RFTN1: variants seen among roughly 807,000 people sequenced by gnomAD.
RFTN1 encodes raftlin.
In RFTN1, 26 loss-of-function variants were observed where a neutral mutation model predicts 46.5. The ratio of observed to expected loss-of-function variants is 0.56; its 90% confidence interval spans 0.41 to 0.78. The LOEUF is 0.78. Ranked by LOEUF, RFTN1 falls within the 30% of genes least tolerant of loss-of-function variation. The pLI is 0.00. For synonymous variants in RFTN1, 261 were observed against 284.2 expected (o/e 0.92, Z 0.82); for missense variants, 693 against 718.7 (o/e 0.96, Z 0.41).
intron 1 of RFTN1, among the ~76,000 whole-genome samples, chr3:16,497,485 C>T (rs947244121): frequency 2.0e-5 from 3 of 152,302 alleles, no homozygotes; most frequent in Non-Finnish European, 2.9e-5. Context: ...TAATGGGTAG[C>T]GGCAGGTTCT....
intron 4 of RFTN1, among the ~76,000 whole-genome samples, chr3:16,408,349 T>G (rs1285965211): frequency 1.3e-5 from 2 of 152,174 alleles, no homozygotes; most frequent in Non-Finnish European, 2.9e-5. Flanking sequence ...ATTCTCTGTA[T>G]CCCAGCATCT....
In RFTN1 at chr3:16,442,058, T is replaced by C. The variant is rs1444746972; in HGVS notation, c.146-8021A>G. Among the ~76,000 whole-genome samples the C allele has an allele frequency of 1.3e-5, 2 of 152,216 alleles. No homozygotes were observed. The highest frequency in any genetic ancestry group is 2.9e-5 in the Non-Finnish European group (2 of 68,030). Reference sequence around the variant, plus strand: ...AATCTGTGGAATAAGTTAAAATGTTTGTTCTAAGGGCTTTAAAAATTTAGA... The same window carrying C: ...AATCTGTGGAATAAGTTAAAATGTTCGTTCTAAGGGCTTTAAAAATTTAGA... On this transcript the variant is annotated intron_variant, in intron 2 of 9. Coordinates refer to ENST00000334133, the MANE Select transcript of RFTN1 (RefSeq NM_015150.2). This position sits in a 1 kb window ranked among gnomAD's most constrained non-coding sequence, Gnocchi z 4.1.
At chr3:16,491,109 T>C (rs951817725) in intron 2 of RFTN1, among the ~76,000 whole-genome samples, 4 of 151,616 alleles carry the variant, frequency 2.6e-5, no homozygotes, top group African/African-American at 9.7e-5. Flanking sequence ...TGGTAAGAAG[T>C]GCTATGGAGA....
chr3:16,470,145 C>G (rs1217610970), intron 2 of RFTN1, among the ~76,000 whole-genome samples: 1 of 152,130 alleles, frequency 6.6e-6, no homozygotes, highest in Non-Finnish European at 1.5e-5. Flanking sequence ...GGATATTTGT[C>G]CTTCCTGCTC....
rs35520854 is a variant in RFTN1, at chr3:16,407,359, C to CT, written c.441+2015dup. On this transcript the variant is annotated intron_variant, in intron 4 of 9. Transcript: ENST00000334133. The surrounding 1 kb of genome is among the most constrained non-coding windows in gnomAD (Gnocchi z 4.0). The stretch of plus-strand genomic sequence containing the variant: ...CACCATGCTCGGCTTTTTAAAGAGA[C>CT]TTTTTTTTTTTTGGCAGAGATGGAG... 0.094 allele frequency among the ~76,000 whole-genome samples: 13,643 copies of CT among 145,108 alleles called. 613 individuals are homozygous for CT. Among genetic ancestry groups the CT allele is most frequent in the Middle Eastern group, 0.14 (40 of 280 alleles).
In RFTN1 at chr3:16,345,805, T is replaced by TGG. The variant is rs2071630137; in HGVS notation, c.1146+12126_1146+12127insCC. Among the ~76,000 whole-genome samples the TGG allele has an allele frequency of 1.2e-5, 1 of 85,842 alleles. No homozygotes were observed. Among genetic ancestry groups the TGG allele is most frequent in the Non-Finnish European group, 2.2e-5 (1 of 44,654 alleles). The allele number at this position is 85,842 out of a possible 152,430, so 56.3% of individuals were successfully genotyped here. A position where few individuals can be genotyped will look rare whatever the true frequency, so the allele number is the denominator to read the frequency against. ...ATAAATCTCTGTGTGTGTGTGTGTG[T>TGG]GTGTGTGTGTGTGCGCGCGCGCGTG... On this transcript the variant is annotated intron_variant, in intron 7 of 9. Coordinates refer to ENST00000334133, the MANE Select transcript of RFTN1 (RefSeq NM_015150.2). The surrounding 1 kb of genome is among the most constrained non-coding windows in gnomAD (Gnocchi z 5.2).
rs189924074 is a variant in RFTN1, at chr3:16,375,203, C to T, written c.826+2515G>A. Among the ~76,000 whole-genome samples, 14 of 151,504 alleles carry T rather than the reference C, an allele frequency of 9.2e-5. No individual in the cohort carries two copies. In the East Asian group the frequency reaches 2.7e-3, roughly 29 times the overall value. On this transcript the variant is annotated intron_variant, in intron 5 of 9. Transcript: ENST00000334133. ...CTGAGCAGGCAGTGGGGAGGGGTGC[C>T]TGGGGGGGCCCGTGTGTGCCTGTGG...
Position 16,485,008 on chromosome 3 carries a change from T to C in RFTN1, c.145+8717A>G, listed in dbSNP as rs547444909. Among the ~76,000 whole-genome samples the C allele has an allele frequency of 6.6e-5, 10 of 152,372 alleles. No individual in the cohort carries two copies. The South Asian group carries it at 8.3e-4, about 13-fold the overall frequency. ...AAATGAAGCTCTCTACTCTCATACA[T>C]TGTTGTTGGAAATGTAAAATAGAAC... On this transcript the variant is annotated intron_variant, in intron 2 of 9. Transcript: ENST00000334133.
Position 16,460,587 on chromosome 3 carries a change from G to T in RFTN1, c.146-26550C>A, listed in dbSNP as rs1467344320. On this transcript the variant is annotated intron_variant, in intron 2 of 9. Coordinates refer to ENST00000334133, the MANE Select transcript of RFTN1 (RefSeq NM_015150.2). This position sits in a 1 kb window ranked among gnomAD's most constrained non-coding sequence, Gnocchi z 4.8. ...ACCTCACATTTCAAGCAGAGGCTGG[G>T]TGGGGAATATATATTTTTTTAACCT... 2.0e-5 allele frequency among the ~76,000 whole-genome samples: 3 copies of T among 151,756 alleles called. No individual in the cohort carries two copies. Among genetic ancestry groups the T allele is most frequent in the Non-Finnish European group, 4.4e-5 (3 of 67,758 alleles).
intron 3 of RFTN1, chr3:16,416,156 G>A (rs767010826): frequency 2.4e-5 from 11 of 455,366 alleles, no homozygotes; most frequent in Non-Finnish European, 4.0e-5. Context: ...CCATTCCAAA[G>A]GAATTTTCTG....
rs2074113564 is a variant in RFTN1, at chr3:16,384,849, C to A, written c.442-6747G>T. On this transcript the variant is annotated intron_variant, in intron 4 of 9. Transcript: ENST00000334133. This position sits in a 1 kb window ranked among gnomAD's most constrained non-coding sequence, Gnocchi z 4.7. ...CAGCCACTTGTGGCTAGTGATGACC[C>A]CATGGACAGTGCAGGTGTAGAACAT... 6.6e-6 allele frequency among the ~76,000 whole-genome samples: 1 copy of A among 152,134 alleles called. No individual in the cohort carries two copies. Among genetic ancestry groups the A allele is most frequent in the African/African-American group, 2.4e-5 (1 of 41,406 alleles).
chr3:16,373,825 C>T (rs747729999), intron 5 of RFTN1, among the ~76,000 whole-genome samples: 4 of 152,096 alleles, frequency 2.6e-5, no homozygotes, highest in Non-Finnish European at 5.9e-5. Flanking sequence ...AGGAACTAAG[C>T]AGAAAGGTTT....
At position 16,317,358 on chromosome 3, in the gene RFTN1, G is replaced by T; in HGVS notation, c.1333-126C>A. ...GACATACAATTCCCAGCATCCCCCA[G>T]CCAGGCAGTACAGGCACCAAACTTG... On this transcript the variant is annotated intron_variant, in intron 9 of 9. Transcript: ENST00000334133. The surrounding 1 kb of genome is among the most constrained non-coding windows in gnomAD (Gnocchi z 4.3). 2.0e-6 allele frequency: 2 copies of T among 1,015,246 alleles called. No individual in the cohort carries two copies. The highest frequency in any genetic ancestry group is 2.9e-6 in the Non-Finnish European group (2 of 693,648). 62.9% of individuals were successfully genotyped at this position (1,015,246 alleles called of 1,614,324 possible).
In RFTN1 at chr3:16,334,849, G is replaced by A. The variant is rs139887953; in HGVS notation, c.1147-7973C>T. ...AGAGTTTATCCAGGATTATCCAGGT[G>A]TGCCCAGTATAATCACAGGGGTCCT... On this transcript the variant is annotated intron_variant, in intron 7 of 9. Transcript: ENST00000334133. The surrounding 1 kb of genome is among the most constrained non-coding windows in gnomAD (Gnocchi z 4.3). Among the ~76,000 whole-genome samples the A allele has an allele frequency of 4.3e-4, 66 of 152,298 alleles. No individual in the cohort carries two copies. The highest frequency in any genetic ancestry group is 1.5e-3 in the African/African-American group (63 of 41,546).
At chr3:16,412,661 G>T (rs965055078) in intron 3 of RFTN1, among the ~76,000 whole-genome samples, 1 of 152,184 alleles carries the variant, frequency 6.6e-6, no homozygotes, top group African/African-American at 2.4e-5. Context: ...TTCAGTGGGG[G>T]CAGGGCCTGT....
At chr3:16,365,775 G>A (rs2073126510) in intron 6 of RFTN1, among the ~76,000 whole-genome samples, 1 of 152,156 alleles carries the variant, frequency 6.6e-6, no homozygotes. Flanking sequence ...ATAGAGGCTG[G>A]AGATATAAGA....
rs9848484 is a variant in RFTN1 at position 16,474,595 on chromosome 3, G to A, written c.145+19130C>T. ...CTGATGGCCACTTTAAAGCACTCAA[G>A]GAGAGGTGAAGAAAAAAAAAATAGG... On this transcript the variant is annotated intron_variant, in intron 2 of 9. Transcript: ENST00000334133. The surrounding 1 kb of genome is among the most constrained non-coding windows in gnomAD (Gnocchi z 5.5). Among the ~76,000 whole-genome samples, 26,465 of 152,094 alleles carry A rather than the reference G, an allele frequency of 0.17. 2,399 individuals carry two copies. The highest frequency in any genetic ancestry group is 0.23 in the South Asian group (1,097 of 4,820).
At chr3:16,486,986 T>TTCCC (rs1362518252) in intron 2 of RFTN1, among the ~76,000 whole-genome samples, 1 of 152,156 alleles carries the variant, frequency 6.6e-6, no homozygotes, top group African/African-American at 2.4e-5. Flanking sequence ...AACCCCCGTC[T>TTCCC]TCCCTCCCTC....
chr3:16,503,891 T>C (rs2125008312), intron 1 of RFTN1, among the ~76,000 whole-genome samples: 1 of 152,362 alleles, frequency 6.6e-6, no homozygotes, highest in South Asian at 2.1e-4. Context: ...ACCACCTGGA[T>C]TTCACAAGTG....
Sources: gnomAD v4.1 joint callset for allele counts (sites outside exome capture counted in the v4.1 genomes callset) on GRCh38, gnomAD v4.1.1 for gene constraint, Gnocchi (gnomAD v3.1) non-coding constraint, MANE v1.5 for transcripts, NCBI Gene and HGNC (gene_info 2026-07-23, HGNC 2026-07-21) for gene names.